Variants in ENOX1 observed in about 807,000 individuals in gnomAD.
The protein encoded by ENOX1 is ecto-NOX disulfide-thiol exchanger 1.
ENOX1 carries 42 observed loss-of-function variants against 82.5 expected under a neutral mutation model. That is an observed-to-expected ratio of 0.51 (90% CI 0.40 to 0.66). The LOEUF (loss-of-function observed/expected upper bound fraction) is 0.66. Ranked by LOEUF, ENOX1 falls within the 30% of genes least tolerant of loss-of-function variation. The pLI is 0.00. For synonymous variants in ENOX1, 271 were observed against 282.2 expected (o/e 0.96, Z 0.40); for missense variants, 608 against 811.6 (o/e 0.75, Z 3.05).
intron 1 of ENOX1, among the ~76,000 whole-genome samples, chr13:43,751,326 T>A (rs1411625): frequency 0.078 from 11,933 of 152,232 alleles, 709 homozygotes; most frequent in African/African-American, 0.16. Flanking sequence ...ACTGCTCTTC[T>A]GGTTGCCACA....
rs115378250 is a variant in ENOX1, at chr13:43,360,526, G to A, written c.383-469C>T. Among the ~76,000 whole-genome samples, 1,410 of 151,858 alleles carry A rather than the reference G, an allele frequency of 9.3e-3. 22 individuals carry two copies. The highest frequency in any genetic ancestry group is 0.053 in the East Asian group (273 of 5,166). The stretch of plus-strand genomic sequence containing the variant: ...AATACTTACTTGGCTGTGAAACACC[G>A]GGCCTGAAAAAAACCACTTTGTTAT... On this transcript the variant is annotated intron_variant, in intron 6 of 16. Coordinates refer to ENST00000690772, the MANE Select transcript of ENOX1 (RefSeq NM_001347969.2).
intron 1 of ENOX1, among the ~76,000 whole-genome samples, chr13:43,766,273 C>G (rs1437858255): frequency 6.6e-6 from 1 of 152,194 alleles, no homozygotes; most frequent in African/African-American, 2.4e-5. Context: ...CCTGAAGGTG[C>G]ACAGGAGCAG....
rs151260285 is a variant in ENOX1, at chr13:43,673,795, C to T, written c.-284-6251G>A. 9.8e-3 allele frequency among the ~76,000 whole-genome samples: 1,486 copies of T among 152,316 alleles called. 19 individuals are homozygous for T. The highest frequency in any genetic ancestry group is 0.034 in the African/African-American group (1,401 of 41,570). On this transcript the variant is annotated intron_variant, in intron 1 of 16. Transcript: ENST00000690772. ...GTGTGCTCACTCATTTTATATCTGACTTGTCTCCTAATTTGCTTTTTATGT... is the reference window on the plus strand; with the variant it reads ...GTGTGCTCACTCATTTTATATCTGATTTGTCTCCTAATTTGCTTTTTATGT...
intron 7 of ENOX1, among the ~76,000 whole-genome samples, chr13:43,357,697 T>C (rs1001854829): frequency 1.1e-4 from 16 of 152,100 alleles, no homozygotes; most frequent in African/African-American, 3.9e-4. Context: ...TTCAAACATT[T>C]CTGGCTCCAG....
At chr13:43,290,214 C>T (rs1039718134) in intron 12 of ENOX1, among the ~76,000 whole-genome samples, 2 of 152,168 alleles carry the variant, frequency 1.3e-5, no homozygotes, top group African/African-American at 4.8e-5. Context: ...CCCAGCAAGG[C>T]CATTACTGCG....
chr13:43,386,171 C>T (rs1566090325), intron 5 of ENOX1, among the ~76,000 whole-genome samples: 1 of 152,026 alleles, frequency 6.6e-6, no homozygotes, highest in South Asian at 2.1e-4. Flanking sequence ...GTCTCAAAAA[C>T]AAAACAAACA....
intron 2 of ENOX1, among the ~76,000 whole-genome samples, chr13:43,493,529 C>A (rs190427974): frequency 2.0e-5 from 3 of 152,190 alleles, no homozygotes; most frequent in Non-Finnish European, 2.9e-5. Context: ...CCAGAAAGAG[C>A]GAGAATTCAC....
chr13:43,541,471 A>T (rs2078724571), intron 2 of ENOX1, among the ~76,000 whole-genome samples: 1 of 152,150 alleles, frequency 6.6e-6, no homozygotes, highest in African/African-American at 2.4e-5. Context: ...ACTGTACTCC[A>T]GCCTGGGCAA....
intron 5 of ENOX1, among the ~76,000 whole-genome samples, chr13:43,399,136 A>T (rs1343703118): frequency 6.6e-6 from 1 of 152,164 alleles, no homozygotes; most frequent in East Asian, 1.9e-4. Flanking sequence ...AGCTTACTTT[A>T]CTGTGAGAAT....
chr13:43,467,300 C>T (rs934886825), intron 3 of ENOX1, among the ~76,000 whole-genome samples: 4 of 152,148 alleles, frequency 2.6e-5, no homozygotes, highest in African/African-American at 9.7e-5. Flanking sequence ...TAGACAATTA[C>T]TACATTACTA....
chr13:43,326,741 TAA>T (rs2153530673), intron 9 of ENOX1, among the ~76,000 whole-genome samples: 1 of 152,334 alleles, frequency 6.6e-6, no homozygotes, highest in South Asian at 2.1e-4. Context: ...AAACAAATTC[TAA>T]GTATGACCGG....
chr13:43,498,288 A>G (rs761086951), intron 2 of ENOX1, among the ~76,000 whole-genome samples: 2 of 152,080 alleles, frequency 1.3e-5, no homozygotes, highest in East Asian at 3.9e-4. Flanking sequence ...TTAACATTTT[A>G]TATGTGTTTC....
chr13:43,568,312 C>A (rs998124398), intron 2 of ENOX1, among the ~76,000 whole-genome samples: 1 of 152,182 alleles, frequency 6.6e-6, no homozygotes, highest in Admixed American at 6.5e-5. Flanking sequence ...AGACACATTG[C>A]CCACAGAGAG....
intron 1 of ENOX1, among the ~76,000 whole-genome samples, chr13:43,768,927 C>T (rs971864560): frequency 2.0e-5 from 3 of 152,160 alleles, no homozygotes; most frequent in African/African-American, 4.8e-5. Context: ...CTCTCCAATG[C>T]CATATCTCAA....
At chr13:43,501,351 A>C (rs2076975259) in intron 2 of ENOX1, among the ~76,000 whole-genome samples, 1 of 151,800 alleles carries the variant, frequency 6.6e-6, no homozygotes, top group African/African-American at 2.4e-5. Flanking sequence ...ATATGGATTG[A>C]TCACACAGAA....
intron 9 of ENOX1, among the ~76,000 whole-genome samples, chr13:43,340,431 C>T (rs1008956518): frequency 5.9e-5 from 9 of 152,178 alleles, no homozygotes; most frequent in Admixed American, 3.3e-4. Flanking sequence ...TTCACAATCT[C>T]GGTTGATATC....
rs926276199 is a variant in ENOX1, at chr13:43,365,240, T to C, written c.209-3788A>G. 2.0e-5 allele frequency among the ~76,000 whole-genome samples: 3 copies of C among 152,290 alleles called. No individual in the cohort carries two copies. The East Asian group carries it at 5.8e-4, about 29-fold the overall frequency. On this transcript the variant is annotated intron_variant, in intron 5 of 16. Transcript: ENST00000690772. ...TAGATTTCATTTGAAAGAAAGGCAG[T>C]TGAGGCCTCTTGCCAGGCAAGGCTG...
At chr13:43,542,936 T>C (rs2078807140) in intron 2 of ENOX1, among the ~76,000 whole-genome samples, 1 of 152,160 alleles carries the variant, frequency 6.6e-6, no homozygotes, top group South Asian at 2.1e-4. Context: ...CTAGGGCCTC[T>C]TTTATAAAGG....
intron 3 of ENOX1, among the ~76,000 whole-genome samples, chr13:43,460,011 A>G (rs1293219879): frequency 1.3e-5 from 2 of 152,182 alleles, no homozygotes; most frequent in Admixed American, 6.5e-5. Flanking sequence ...AAACAACGAC[A>G]ACAACAACAA....
Sources: allele counts gnomAD v4.1 joint callset (sites outside exome capture counted in the v4.1 genomes callset), GRCh38; gene constraint gnomAD v4.1.1; transcripts MANE v1.5; gene names NCBI Gene and HGNC (gene_info 2026-07-23, HGNC 2026-07-21).